The following FMN2 variants were observed in gnomAD, a reference collection of about 807,000 sequenced individuals.
FMN2 encodes formin-2.
FMN2 carries 51 observed loss-of-function variants against 142.3 expected under a neutral mutation model. That is an observed-to-expected ratio of 0.36 (90% CI 0.29 to 0.45). FMN2 has a LOEUF of 0.45. Among genes scored for constraint, FMN2 ranks in the 20% least tolerant of loss-of-function variants. The pLI is 1.00. For missense variants in FMN2, 1,936 were observed against 2,122.8 expected (o/e 0.91, Z 1.73); for synonymous variants, 882 against 869.8 (o/e 1.01, Z -0.25).
intron 14 of FMN2, among the ~76,000 whole-genome samples, chr1:240,366,762 G>T (rs536658185): frequency 1.2e-3 from 185 of 152,126 alleles, no homozygotes; most frequent in Non-Finnish European, 2.3e-3. Context: ...CGTTGGTCAG[G>T]CTGGTCTCAA....
At chr1:240,337,203 CTTTTTTTTTTTTT>C (rs752506621) in intron 13 of FMN2, among the ~76,000 whole-genome samples, 38 of 90,566 alleles carry the variant, frequency 4.2e-4, no homozygotes, top group East Asian at 3.5e-3. Flanking sequence ...TATTCCTTTT[CTTTTTTTTTTTTT>C]TTTTTTTTTT....
chr1:240,205,224 C>A (rs1572057443), intron 4 of FMN2, among the ~76,000 whole-genome samples: 1 of 152,136 alleles, frequency 6.6e-6, no homozygotes, highest in East Asian at 1.9e-4. Flanking sequence ...AAATAGTTCT[C>A]AACACAAGAA....
chr1:240,145,000 G>A, intron 2 of FMN2: 1 of 1,299,488 alleles, frequency 7.7e-7, no homozygotes, highest in Non-Finnish European at 1.1e-6. Flanking sequence ...AAACAGAGAT[G>A]ATGTCAGCAG....
intron 1 of FMN2, among the ~76,000 whole-genome samples, chr1:240,112,466 G>A (rs1175186733): frequency 6.6e-6 from 1 of 152,100 alleles, no homozygotes; most frequent in East Asian, 1.9e-4. Flanking sequence ...TGATATTAGA[G>A]GCTGGGTTTG....
chr1:240,436,684 A>AG (rs386370188), intron 15 of FMN2, among the ~76,000 whole-genome samples: 1 of 148,062 alleles, frequency 6.8e-6, no homozygotes, highest in African/African-American at 2.6e-5. Flanking sequence ...CTCAAAAAAA[A>AG]AAAAAACTCA....
At chr1:240,152,288 T>C (rs1191077797) in intron 2 of FMN2, among the ~76,000 whole-genome samples, 1 of 149,974 alleles carries the variant, frequency 6.7e-6, no homozygotes, top group African/African-American at 2.4e-5. Context: ...TGGACCCTTT[T>C]GATACTCCGA....
intron 6 of FMN2, among the ~76,000 whole-genome samples, chr1:240,218,796 A>G (rs1667002139): frequency 6.6e-6 from 1 of 152,212 alleles, no homozygotes; most frequent in Admixed American, 6.5e-5. Context: ...GAAAGGGCAC[A>G]GAGGTTCTCT....
intron 14 of FMN2, among the ~76,000 whole-genome samples, chr1:240,379,744 G>A (rs762683434): frequency 9.2e-5 from 14 of 151,948 alleles, no homozygotes; most frequent in South Asian, 2.1e-4. Context: ...AATTAAGTCC[G>A]GAATTAAGTT....
At chr1:240,414,063 T>C (rs1398467608) in intron 15 of FMN2, among the ~76,000 whole-genome samples, 1 of 152,240 alleles carries the variant, frequency 6.6e-6, no homozygotes, top group Admixed American at 6.5e-5. Context: ...ATTATTTTCT[T>C]TTTTTAGCTT....
At chr1:240,260,670 T>C (rs939285677) in intron 7 of FMN2, among the ~76,000 whole-genome samples, 2 of 152,220 alleles carry the variant, frequency 1.3e-5, no homozygotes, top group African/African-American at 2.4e-5. Context: ...GTCAGATGTA[T>C]AGATTGTGAA....
intron 3 of FMN2, among the ~76,000 whole-genome samples, chr1:240,179,820 G>A (rs577200107): frequency 6.6e-6 from 1 of 152,178 alleles, no homozygotes; most frequent in East Asian, 1.9e-4. Context: ...TTTATCCCAT[G>A]TTTTGCATCA....
intron 16 of FMN2, among the ~76,000 whole-genome samples, chr1:240,444,775 T>G (rs1277463214): frequency 6.6e-6 from 1 of 152,226 alleles, no homozygotes. Flanking sequence ...TGATTTGTAT[T>G]CAAGTGAACT....
chr1:240,162,315 T>C (rs1664313221), intron 2 of FMN2, among the ~76,000 whole-genome samples: 1 of 151,680 alleles, frequency 6.6e-6, no homozygotes, highest in Admixed American at 6.6e-5. Flanking sequence ...AATAGAAAAA[T>C]TAGCCGGGCG....
intron 6 of FMN2, among the ~76,000 whole-genome samples, chr1:240,253,485 A>G (rs1399889213): frequency 6.6e-6 from 1 of 151,994 alleles, no homozygotes; most frequent in Non-Finnish European, 1.5e-5. Flanking sequence ...TTTCTCATTC[A>G]TATCCTAAAT....
chr1:240,295,363 C>G (rs1669937181), intron 8 of FMN2, among the ~76,000 whole-genome samples: 2 of 152,168 alleles, frequency 1.3e-5, no homozygotes. Flanking sequence ...TCCATCACCA[C>G]CCACACTTAT....
intron 14 of FMN2, among the ~76,000 whole-genome samples, chr1:240,360,142 T>C (rs1672412424): frequency 6.6e-6 from 1 of 152,230 alleles, no homozygotes; most frequent in African/African-American, 2.4e-5. Context: ...ACAATGTTAC[T>C]AGATTTCCCT....
intron 16 of FMN2, among the ~76,000 whole-genome samples, chr1:240,452,177 C>T (rs1016963184): frequency 1.3e-5 from 2 of 151,966 alleles, no homozygotes; most frequent in South Asian, 4.2e-4. Flanking sequence ...GGCGACAGAG[C>T]AAGACTCTGT....
At chr1:240,288,035 C>G (rs1391878431) in intron 7 of FMN2, among the ~76,000 whole-genome samples, 1 of 152,184 alleles carries the variant, frequency 6.6e-6, no homozygotes, top group Non-Finnish European at 1.5e-5. Context: ...AGAGTGATCT[C>G]AAAGAAAGGT....
At chr1:240,115,151 A>G (rs1318497539) in intron 1 of FMN2, among the ~76,000 whole-genome samples, 1 of 152,128 alleles carries the variant, frequency 6.6e-6, no homozygotes, top group Non-Finnish European at 1.5e-5. Context: ...GGTTTCTTTA[A>G]ATATATTTAA....
Sources: gnomAD v4.1 joint callset for allele counts (sites outside exome capture counted in the v4.1 genomes callset) on GRCh38, gnomAD v4.1.1 for gene constraint, MANE v1.5 for transcripts, NCBI Gene and HGNC (gene_info 2026-07-23, HGNC 2026-07-21) for gene names.